CTSB: variants seen among roughly 807,000 people sequenced by gnomAD.
CTSB encodes cathepsin B, also known as APP secretase.
A neutral mutation model predicts 44.3 loss-of-function variants in CTSB; 57 were observed. The observed-to-expected ratio is 1.29, with a 90% CI of 1.04 to 1.60. The LOEUF is 1.60. Among genes scored for constraint, CTSB ranks in the 40% most tolerant of loss-of-function variants. CTSB has a pLI of 0.00. For synonymous variants in CTSB, 320 were observed against 168.0 expected (o/e 1.91, Z -7.00); for missense variants, 768 against 443.0 (o/e 1.73, Z -6.59).
In CTSB at chr8:11,848,126, G is replaced by C. The variant is rs2131011089; in HGVS notation, c.473C>G (p.Ala158Gly). ...GCCTTTTCTTGTCCAGAAGTTCCAA[G>C]CTTCAGCAGGATAGCCACCATTACA... is the stretch of plus-strand genomic sequence containing the variant. ...DGCNGGYPAE[A>G]WNFWTRKGLV... is the part of the protein sequence containing the mutation. The change falls in exon 6 of 10, where the codon GCT becomes GGT. Residue 158 changes from alanine to glycine, a missense_variant. Transcript: ENST00000353047. The C allele has an allele frequency of 6.2e-7, 1 of 1,614,180 alleles. No individual in the cohort carries two copies. Among genetic ancestry groups the C allele is most frequent in the African/African-American group, 1.3e-5 (1 of 75,046 alleles).
chr8:11,846,888 G>C (rs1307402633), intron 8 of CTSB, among the ~76,000 whole-genome samples, 164 bp downstream of exon 8: 1 of 152,046 alleles, frequency 6.6e-6, no homozygotes, highest in South Asian at 2.1e-4. Flanking sequence ...GTGCCAGGCT[G>C]GTCCACAGAG....
chr8:11,845,810 TGAGACC>T lies in CTSB; in HGVS notation c.794-27_794-22del, dbSNP rs757166447. The T allele has an allele frequency of 6.2e-6, 10 of 1,601,450 alleles. No homozygotes were observed. The East Asian group carries it at 6.8e-5, about 11-fold the overall frequency. ...CACTCCTGAAAAGGGAAGAACTGGCTGAGACCGAGACCGGGCCACTGTCCCACGCCC... is the reference window on the plus strand; with the variant it reads ...CACTCCTGAAAAGGGAAGAACTGGCTGAGACCGGGCCACTGTCCCACGCCC... On this transcript the variant is annotated intron_variant, in intron 8 of 9. Coordinates refer to ENST00000353047, the MANE Select transcript of CTSB (RefSeq NM_001908.5).
At chr8:11,857,593 G>T (rs1815712206) in intron 1 of CTSB, among the ~76,000 whole-genome samples, 1 of 152,150 alleles carries the variant, frequency 6.6e-6, no homozygotes, top group Non-Finnish European at 1.5e-5. Context: ...GAGAACACAG[G>T]CAGCTGCCAT....
chr8:11,853,543 G>C (rs770662607), intron 1 of CTSB, 64 bp from the exon 2 acceptor site: 9 of 1,501,774 alleles, frequency 6.0e-6, no homozygotes, highest in South Asian at 2.5e-5. Flanking sequence ...CACACACACA[G>C]GGGCACCGTC....
intron 2 of CTSB, 42 bp from the exon 3 acceptor site, chr8:11,852,737 G>A (rs2131053664): frequency 6.3e-7 from 1 of 1,575,292 alleles, no homozygotes; most frequent in Non-Finnish European, 8.7e-7. Flanking sequence ...CTCCCGGGAT[G>A]GCGGTGGATG....
At chr8:11,858,580 A>G (rs1467414039) in intron 1 of CTSB, among the ~76,000 whole-genome samples, 2 of 152,172 alleles carry the variant, frequency 1.3e-5, no homozygotes, top group Non-Finnish European at 2.9e-5. Flanking sequence ...GTGAGCCACC[A>G]TGCCCAGTAA....
In CTSB at chr8:11,843,696, TTATGAGCTGAA is replaced by T. The variant is rs1343681457; in HGVS notation, c.*1418_*1428del. ...AGATCACCAAGACACCAAGCCTGTTTTATGAGCTGAATCCTCAGCTTGTTGCTGGATTTGTG... is the reference window on the plus strand; with the variant it reads ...AGATCACCAAGACACCAAGCCTGTTTTCCTCAGCTTGTTGCTGGATTTGTG... On this transcript the variant is annotated 3_prime_UTR_variant, in exon 10 of 10. Coordinates refer to ENST00000353047, the MANE Select transcript of CTSB (RefSeq NM_001908.5). 6.6e-6 allele frequency: 1 copy of T among 152,210 alleles called. No individual in the cohort carries two copies. Among genetic ancestry groups the T allele is most frequent in the Non-Finnish European group, 1.5e-5 (1 of 68,044 alleles). 9.4% of individuals were successfully genotyped at this position (152,210 alleles called of 1,614,324 possible).
Position 11,848,731 on chromosome 8 carries a change from G to A in CTSB, c.446+315C>T. The A allele has an allele frequency of 1.3e-5, 4 of 309,520 alleles. No homozygotes were observed. In the South Asian group the frequency reaches 1.3e-4, roughly 10 times the overall value. 19.2% of individuals were successfully genotyped at this position (309,520 alleles called of 1,614,324 possible). On this transcript the variant is annotated intron_variant, in intron 5 of 9. Transcript: ENST00000353047. Reference sequence around the variant, plus strand: ...TACACATAAGGAAATGCCCCAAACTGGTTCCCCAAGCAGGAAAAAGGAACA... The same window carrying A: ...TACACATAAGGAAATGCCCCAAACTAGTTCCCCAAGCAGGAAAAAGGAACA...
At chr8:11,857,324 G>A (rs1180767153) in intron 1 of CTSB, among the ~76,000 whole-genome samples, 2 of 152,064 alleles carry the variant, frequency 1.3e-5, no homozygotes, top group Non-Finnish European at 2.9e-5. Context: ...GGCCCCTAGT[G>A]ACTTTCTTAA....
At chr8:11,855,799 C>T (rs1490051260) in intron 1 of CTSB, among the ~76,000 whole-genome samples, 2 of 152,088 alleles carry the variant, frequency 1.3e-5, no homozygotes, top group African/African-American at 4.8e-5. Context: ...AGGTGGATCG[C>T]CTGAGGTCAG....
chr8:11,855,915 G>A (rs796936180), intron 1 of CTSB, among the ~76,000 whole-genome samples: 4 of 152,144 alleles, frequency 2.6e-5, no homozygotes, highest in African/African-American at 9.7e-5. Context: ...CTACTTGGGA[G>A]GCTGAGACAG....
At position 11,860,852 on chromosome 8, in the gene CTSB, C is replaced by A. The variant is rs116149589; in HGVS notation, c.-26+7149G>T. Among the ~76,000 whole-genome samples the A allele has an allele frequency of 7.0e-3, 1,061 of 152,290 alleles. 11 individuals are homozygous for A. The highest frequency in any genetic ancestry group is 0.024 in the African/African-American group (989 of 41,570). On this transcript the variant is annotated intron_variant, in intron 1 of 9. Coordinates refer to ENST00000353047, the MANE Select transcript of CTSB (RefSeq NM_001908.5). ...CTCACCGCTAATAACGGCAGTTGCT[C>A]CTGAAGTTTTGACCACTTAAGTGCA...
In CTSB at chr8:11,847,183, G is replaced by A. The variant is rs553226277; in HGVS notation, c.677-15C>T. 3.3e-5 allele frequency: 51 copies of A among 1,562,910 alleles called. No homozygotes were observed. Among genetic ancestry groups the A allele is most frequent in the African/African-American group, 6.8e-5 (5 of 73,630 alleles). On this transcript the variant is annotated splice_polypyrimidine_tract_variant and intron_variant, in intron 7 of 9. Coordinates refer to ENST00000353047, the MANE Select transcript of CTSB (RefSeq NM_001908.5). Reference sequence around the variant, plus strand: ...GGAATTGTATCCTGGAAAATGAACCGAGCTCGGGGTTGGGGAGGGCAGTGA... The same window carrying A: ...GGAATTGTATCCTGGAAAATGAACCAAGCTCGGGGTTGGGGAGGGCAGTGA...
intron 8 of CTSB, 57 bp from the exon 9 acceptor site, chr8:11,845,846 G>C: frequency 6.5e-7 from 1 of 1,532,172 alleles, no homozygotes; most frequent in Non-Finnish European, 8.8e-7. Context: ...ACGCCCCACA[G>C]CACCCCCCAC....
intron 1 of CTSB, among the ~76,000 whole-genome samples, chr8:11,855,129 T>TGA (rs1815297766): frequency 6.6e-6 from 1 of 152,094 alleles, no homozygotes; most frequent in Admixed American, 6.5e-5. Flanking sequence ...TTCAAGCTAT[T>TGA]CTCCTACCTC....
chr8:11,845,456 T>G (rs1230918100), intron 9 of CTSB, among the ~76,000 whole-genome samples: 2 of 152,184 alleles, frequency 1.3e-5, no homozygotes, highest in African/African-American at 2.4e-5. Flanking sequence ...TGGGAACTGT[T>G]GCAGGCGTTG....
chr8:11,846,947 C>T, intron 8 of CTSB, 105 bp downstream of exon 8: 3 of 744,068 alleles, frequency 4.0e-6, no homozygotes, highest in East Asian at 2.5e-5. Context: ...CCCAGCCCCT[C>T]ACCTGCCTGC....
At chr8:11,851,166 C>A (rs1218080981) in intron 3 of CTSB, among the ~76,000 whole-genome samples, 186 bp from the exon 4 acceptor site, 1 of 147,132 alleles carries the variant, frequency 6.8e-6, no homozygotes, top group Non-Finnish European at 1.5e-5. Context: ...TTGCTCAATG[C>A]ACCTTTTGAT....
chr8:11,845,767 T>C lies in CTSB; in HGVS notation c.816A>G (p.Gly272=). 4 of 1,613,812 alleles carry C rather than the reference T, an allele frequency of 2.5e-6. No individual in the cohort carries two copies. The East Asian group carries it at 6.7e-5, about 27-fold the overall frequency. ...YKSGVYQHVT[G]EMMGGHAIRI... ...GGATGGCATGGCCACCCATCATCTC[T>C]CCGGTGACGTGTTGGTACACTCCTG... is the stretch of plus-strand genomic sequence containing the variant. The change falls in exon 9 of 10, where the codon GGA becomes GGG. Residue 272 remains glycine, a synonymous_variant. Transcript: ENST00000353047.
Sources: gnomAD v4.1 joint callset for allele counts (sites outside exome capture counted in the v4.1 genomes callset) on GRCh38, gnomAD v4.1.1 for gene constraint, MANE v1.5 for transcripts, NCBI Gene and HGNC (gene_info 2026-07-23, HGNC 2026-07-21) for gene names.